The following CDC27 variants were observed in gnomAD, a reference collection of about 807,000 sequenced individuals.
CDC27 encodes the protein cell division cycle protein 27 homolog.
A neutral mutation model predicts 109.7 loss-of-function variants in CDC27; 27 were observed. That is an observed-to-expected ratio of 0.25 (90% CI 0.18 to 0.34). The LOEUF (loss-of-function observed/expected upper bound fraction) is 0.34. Among genes scored for constraint, CDC27 ranks in the 10% least tolerant of loss-of-function variants. CDC27 has a pLI of 1.00. For missense variants in CDC27, 579 were observed against 960.2 expected, an observed-to-expected ratio of 0.60 and a Z score of 5.25; for synonymous variants, 266 against 333.9, an observed-to-expected ratio of 0.80 and a Z score of 2.22.
At chr17:47,130,088 G>A (rs2062273543) in intron 15 of CDC27, among the ~76,000 whole-genome samples, 1 of 152,162 alleles carries the variant, frequency 6.6e-6, no homozygotes, top group African/African-American at 2.4e-5. Flanking sequence ...CTGGCCAGGT[G>A]CGGTGACTCA....
chr17:47,145,260 C>T (rs1415515347), intron 9 of CDC27, among the ~76,000 whole-genome samples: 1 of 152,152 alleles, frequency 6.6e-6, no homozygotes. Flanking sequence ...AGTGGTCCCA[C>T]TGTGTTGAAA....
In CDC27 at chr17:47,158,226, A is replaced by G; in HGVS notation, c.455T>C (p.Phe152Ser). ...LSLNPFLWSP[F>S]ESLCEIGEKP... The stretch of plus-strand genomic sequence containing the variant: ...CCTACCTATTTCACATAATGATTCA[A>G]AGGGAGACCAGAGGAAAGGATTTAA... Residue 152 changes from phenylalanine to serine, a missense_variant, in exon 5 of 19, where the codon TTT becomes TCT. Phe to Ser is a radical substitution (Grantham distance 155). Transcript: ENST00000066544. 1 of 1,567,652 alleles carries G rather than the reference A, an allele frequency of 6.4e-7. No homozygotes were observed. The highest frequency in any genetic ancestry group is 8.7e-7 in the Non-Finnish European group (1 of 1,154,844).
chr17:47,159,475 T>C (rs1004621008), intron 4 of CDC27: 1 of 588,758 alleles, frequency 1.7e-6, no homozygotes, highest in Non-Finnish European at 2.9e-6. Flanking sequence ...CCCGTGCTCC[T>C]GGGGGTGCGA....
At chr17:47,155,393 G>A (rs2063273679) in intron 7 of CDC27, among the ~76,000 whole-genome samples, 1 of 152,098 alleles carries the variant, frequency 6.6e-6, no homozygotes, top group Admixed American at 6.6e-5. Flanking sequence ...TTACACGTAT[G>A]TGTCACCATG....
At chr17:47,168,983 C>CTTTT (rs558815409) in intron 4 of CDC27, among the ~76,000 whole-genome samples, 1 of 139,318 alleles carries the variant, frequency 7.2e-6, no homozygotes, top group Non-Finnish European at 1.6e-5. Flanking sequence ...TGTTCTTTTT[C>CTTTT]TTTTTTTTTT....
At chr17:47,163,143 G>T (rs928194372) in intron 4 of CDC27, among the ~76,000 whole-genome samples, 2 of 152,092 alleles carry the variant, frequency 1.3e-5, no homozygotes, top group African/African-American at 4.8e-5. Flanking sequence ...GTATTGGGAA[G>T]AAATAGGATA....
chr17:47,138,451 T>TA (rs1254091654), intron 13 of CDC27, among the ~76,000 whole-genome samples: 4 of 152,206 alleles, frequency 2.6e-5, no homozygotes, highest in African/African-American at 9.6e-5. Context: ...TCAATCTATG[T>TA]AACTTCTGCT....
rs1028981793 is a variant in CDC27 at position 47,119,624 on chromosome 17, A to T, written c.*1311T>A. 5 of 152,236 alleles carry T rather than the reference A, an allele frequency of 3.3e-5. No homozygotes were observed. Among genetic ancestry groups the T allele is most frequent in the Non-Finnish European group, 5.9e-5 (4 of 68,040 alleles). The allele number at this position is 152,236 out of a possible 1,614,324, so 9.4% of individuals were successfully genotyped here. ...TTCTCTAAAAATTTCAATACATTAC[A>T]GTAAAGGAGATAAACAATTTAAGAC... On this transcript the variant is annotated 3_prime_UTR_variant, in exon 19 of 19. Transcript: ENST00000066544.
At chr17:47,125,804 A>C (rs2062121682) in intron 16 of CDC27, among the ~76,000 whole-genome samples, 1 of 152,136 alleles carries the variant, frequency 6.6e-6, no homozygotes, top group South Asian at 2.1e-4. Context: ...AGCCTCCCAA[A>C]GTGCTGGGAT....
At chr17:47,123,863 G>A (rs543840744) in intron 17 of CDC27, 23 bp downstream of exon 17, 43 of 1,519,066 alleles carry the variant, frequency 2.8e-5, no homozygotes, top group African/African-American at 1.7e-4. Context: ...GTCACTGTTT[G>A]GGACCATGAC....
intron 2 of CDC27, among the ~76,000 whole-genome samples, chr17:47,175,481 G>A (rs2063972560): frequency 6.6e-6 from 1 of 152,160 alleles, no homozygotes; most frequent in Non-Finnish European, 1.5e-5. Flanking sequence ...TAAGGGCATA[G>A]AACCTATGGA....
intron 7 of CDC27, 134 bp from the exon 8 acceptor site, chr17:47,154,920 G>A (rs923948970): frequency 1.4e-4 from 72 of 501,808 alleles, no homozygotes; most frequent in Non-Finnish European, 2.4e-4. Flanking sequence ...CTGAGGGGCA[G>A]ATTAAAAATA....
At chr17:47,158,686 T>G (rs188950565) in intron 4 of CDC27, among the ~76,000 whole-genome samples, 220 of 152,034 alleles carry the variant, frequency 1.4e-3, no homozygotes, top group African/African-American at 5.0e-3. Flanking sequence ...TGGCATGATC[T>G]TGGCTCACTG....
At chr17:47,185,031 C>A (rs2064378506) in intron 1 of CDC27, among the ~76,000 whole-genome samples, 1 of 152,068 alleles carries the variant, frequency 6.6e-6, no homozygotes, top group African/African-American at 2.4e-5. Context: ...GGGTTAGTCC[C>A]CAGGTGCACT....
chr17:47,118,499 T>C lies in CDC27; in HGVS notation c.*2436A>G, dbSNP rs996309412. 1 of 152,618 alleles carries C rather than the reference T, an allele frequency of 6.6e-6. No homozygotes were observed. Among genetic ancestry groups the C allele is most frequent in the Non-Finnish European group, 1.5e-5 (1 of 68,030 alleles). The allele number at this position is 152,618 out of a possible 1,614,324, so 9.5% of individuals were successfully genotyped here. On this transcript the variant is annotated 3_prime_UTR_variant, in exon 19 of 19. Coordinates refer to ENST00000066544, the MANE Select transcript of CDC27 (RefSeq NM_001256.6). ...GTGTGTGCGCGTATATATATATGTA[T>C]ATAGATGTATTAAGTTGGTGCAAAA...
Position 47,189,029 on chromosome 17 carries a change from CA to C in CDC27, c.27+116del. 4.0e-6 allele frequency: 6 copies of C among 1,513,904 alleles called. No homozygotes were observed. In the South Asian group the frequency reaches 7.0e-5, roughly 18 times the overall value. The allele number at this position is 1,513,904 out of a possible 1,614,324, so 93.8% of individuals were successfully genotyped here. A position where few individuals can be genotyped will look rare whatever the true frequency, so the allele number is the denominator to read the frequency against. The stretch of plus-strand genomic sequence containing the variant: ...ACTAAAGATAGGCAGGACACGGCAG[CA>C]GGGGAGGCGGGAGAAGCAGCCGGGC... On this transcript the variant is annotated intron_variant, in intron 1 of 18. Transcript: ENST00000066544.
At chr17:47,184,004 T>A (rs143232583) in intron 1 of CDC27, among the ~76,000 whole-genome samples, 1 of 152,324 alleles carries the variant, frequency 6.6e-6, no homozygotes, top group East Asian at 1.9e-4. Context: ...ACCAAATTAC[T>A]CCTTTATGAA....
intron 2 of CDC27, among the ~76,000 whole-genome samples, chr17:47,176,389 T>G (rs2064006660): frequency 6.6e-6 from 1 of 152,234 alleles, no homozygotes; most frequent in Admixed American, 6.5e-5. Context: ...CTTTTCTACA[T>G]TTATTTACAT....
At chr17:47,173,222 G>A (rs949677151) in intron 2 of CDC27, among the ~76,000 whole-genome samples, 1 of 152,134 alleles carries the variant, frequency 6.6e-6, no homozygotes, top group African/African-American at 2.4e-5. Flanking sequence ...TCACAGATAT[G>A]TGCAAGCAAA....
Sources: allele counts gnomAD v4.1 joint callset (sites outside exome capture counted in the v4.1 genomes callset), GRCh38; gene constraint gnomAD v4.1.1; transcripts MANE v1.5; gene names NCBI Gene and HGNC (gene_info 2026-07-23, HGNC 2026-07-21).